Variants in ARMCX4 observed in about 807,000 individuals in gnomAD.
ARMCX4 encodes the protein armadillo repeat containing X-linked 4, also known as armadillo repeat-containing X-linked protein 4.
Under a neutral mutation model 34.7 loss-of-function variants are expected in ARMCX4, and 3 were observed. The observed-to-expected ratio is 0.09, with a 90% CI of 0.04 to 0.22. The LOEUF (loss-of-function observed/expected upper bound fraction) is 0.22. ARMCX4 is among the 10% of genes least tolerant of loss of function. The pLI is 1.00. For synonymous variants in ARMCX4, 513 were observed against 632.8 expected, an observed-to-expected ratio of 0.81 and a Z score of 2.84; for missense variants, 1,448 against 1,720.8, an observed-to-expected ratio of 0.84 and a Z score of 2.81.
At chrX:101,433,947 CTT>C (rs782236846) in intron 2 of ARMCX4, among the ~76,000 whole-genome samples, 1 of 101,429 alleles carries the variant, frequency 9.9e-6, no homozygotes. Flanking sequence ...TGGTTATCCA[CTT>C]TTTTTTTTTT....
intron 3 of ARMCX4, among the ~76,000 whole-genome samples, chrX:101,444,895 TA>T (rs1296697553): frequency 2.2e-4 from 25 of 111,478 alleles, no homozygotes; most frequent in Non-Finnish European, 4.0e-4. Flanking sequence ...ATACAATAAT[TA>T]TTATTGACTA....
chrX:101,502,606 CAGGT>C, intron 7 of ARMCX4, among the ~76,000 whole-genome samples: 1 of 111,028 alleles, frequency 9.0e-6, no homozygotes, highest in East Asian at 2.8e-4. Flanking sequence ...GTTGCACAAT[CAGGT>C]AGAGCAGATC....
intron 11 of ARMCX4, among the ~76,000 whole-genome samples, chrX:101,514,565 G>A (rs1380851358): frequency 1.8e-5 from 2 of 112,238 alleles, no homozygotes; most frequent in Non-Finnish European, 3.8e-5. Context: ...CTTACGAGAA[G>A]CAACGCTGTG....
chrX:101,489,115 G>A lies in ARMCX4; in HGVS notation c.526G>A (p.Ala176Thr). ...CAAGGCTAAAGCTTGGGCGCTGGTTGCCAAGACAGAGGCCAAGAGAGAAGC... is the reference window on the plus strand; with the variant it reads ...CAAGGCTAAAGCTTGGGCGCTGGTTACCAAGACAGAGGCCAAGAGAGAAGC... ...QTKAKAWALV[A>T]KTEAKREAMT... is the part of the protein sequence containing the mutation. The change falls in exon 6 of 6, where the codon GCC (alanine) becomes ACC (threonine). Residue 176 changes from alanine to threonine, a missense_variant. This residue lies in a region of ARMCX4 where 1,343 missense variants were observed against 1,540.7 expected (regional missense o/e 0.87). Transcript: ENST00000423738. 1 of 1,156,262 alleles carries A rather than the reference G, an allele frequency of 8.6e-7. No individual in the cohort carries two copies. The highest frequency in any genetic ancestry group is 1.8e-5 in the African/African-American group (1 of 56,474).
chrX:101,448,893 C>T (rs1484894564), downstream of ARMCX4, among the ~76,000 whole-genome samples: 3 of 95,985 alleles, frequency 3.1e-5, no homozygotes, highest in Non-Finnish European at 4.1e-5. Context: ...CGCGCCTGGC[C>T]GTTTTTTTCT....
intron 4 of ARMCX4, among the ~76,000 whole-genome samples, chrX:101,478,239 CAG>C (rs1556004775): frequency 1.8e-5 from 2 of 111,713 alleles, no homozygotes; most frequent in African/African-American, 6.5e-5. Flanking sequence ...TTGAGAAAAT[CAG>C]AGAAAATCAA....
Position 101,489,525 on chromosome X carries a change from T to TG in ARMCX4, c.940dup (p.Ala314GlyfsTer18). 8.7e-7 allele frequency: 1 copy of TG among 1,155,702 alleles called. No individual in the cohort carries two copies. The highest frequency in any genetic ancestry group is 1.1e-6 in the Non-Finnish European group (1 of 872,952). ...GTAAAACCATGTCTAGGGCAGAGTC[T>TG]GGGGCAGACACGAGGGCTTCTGCTC... On this transcript the variant is annotated frameshift_variant, in exon 6 of 6. Coordinates refer to ENST00000423738, the MANE Select transcript of ARMCX4 (RefSeq NM_001256155.3). LOFTEE classifies it low-confidence loss of function (END_TRUNC).
intron 1 of ARMCX4, chrX:101,418,777 CTT>C (rs782291935): frequency 1.5e-4 from 14 of 92,251 alleles, no homozygotes; most frequent in Non-Finnish European, 1.7e-4. Flanking sequence ...TGCGAGGAGC[CTT>C]TTTTTTTTTT....
intron 7 of ARMCX4, among the ~76,000 whole-genome samples, chrX:101,501,713 CA>C (rs1556013672): frequency 8.9e-6 from 1 of 112,418 alleles, no homozygotes; most frequent in Non-Finnish European, 1.9e-5. Flanking sequence ...TTCCTAGAAC[CA>C]TATAAGGCAA....
chrX:101,463,492 CATG>C (rs1932710159), intron 4 of ARMCX4, among the ~76,000 whole-genome samples: 1 of 111,756 alleles, frequency 8.9e-6, no homozygotes, highest in Admixed American at 9.5e-5. Context: ...CCTGCCCACA[CATG>C]ATAACATTAA....
intron 4 of ARMCX4, among the ~76,000 whole-genome samples, chrX:101,456,713 T>C (rs1932305292): frequency 9.0e-6 from 1 of 111,454 alleles, no homozygotes; most frequent in South Asian, 3.7e-4. Context: ...TCAGTGTTAT[T>C]ATTATTCATC....
At position 101,523,755 on chromosome X, in the gene ARMCX4, G is replaced by A. The variant is rs782479022; in HGVS notation, c.*1781-7889G>A. Among the ~76,000 whole-genome samples the A allele has an allele frequency of 1.7e-4, 19 of 111,615 alleles. 1 individual carries two copies. The highest frequency in any genetic ancestry group is 6.2e-4 in the African/African-American group (19 of 30,745). Reference sequence around the variant, plus strand: ...TCAACAAAAAATTACAACACATGCAGCAACAACTACATAGGTAAATACAAG... The same window carrying A: ...TCAACAAAAAATTACAACACATGCAACAACAACTACATAGGTAAATACAAG... On this transcript the variant is annotated intron_variant and NMD_transcript_variant, in intron 11 of 12. Transcript: ENST00000354842.
At chrX:101,441,413 C>T (rs1199297799) in intron 2 of ARMCX4, among the ~76,000 whole-genome samples, 3 of 110,731 alleles carry the variant, frequency 2.7e-5, no homozygotes, top group Admixed American at 9.7e-5. Context: ...AGCCAACTTA[C>T]CATCTCCTTC....
At chrX:101,487,771 C>T in intron 4 of ARMCX4, 80 bp downstream of exon 4, 1 of 448,551 alleles carries the variant, frequency 2.2e-6, no homozygotes, top group Non-Finnish European at 3.4e-6. Flanking sequence ...GGACCAGTGA[C>T]CAGTCTGGAG....
chrX:101,427,624 G>A (rs141490882), intron 2 of ARMCX4, among the ~76,000 whole-genome samples: 1,829 of 111,137 alleles, frequency 0.016, 43 homozygotes, highest in African/African-American at 0.057. Flanking sequence ...CAGGTGATCC[G>A]CCTGCCTTGG....
downstream of ARMCX4, among the ~76,000 whole-genome samples, chrX:101,451,308 A>G (rs1432658426): frequency 8.9e-6 from 1 of 111,744 alleles, no homozygotes; most frequent in Non-Finnish European, 1.9e-5. Context: ...GCAGGCATCA[A>G]CTGAGTTCAG....
chrX:101,428,932 T>C (rs1002227189), intron 2 of ARMCX4, among the ~76,000 whole-genome samples: 4 of 102,775 alleles, frequency 3.9e-5, no homozygotes, highest in African/African-American at 1.4e-4. Context: ...AGTGCAGTGG[T>C]GTGATCACAG....
rs1556009669 is a variant in ARMCX4 at position 101,492,363 on chromosome X, G to A, written c.3774G>A (p.Gly1258=). 3 of 1,153,971 alleles carry A rather than the reference G, an allele frequency of 2.6e-6. No individual in the cohort carries two copies. The Admixed American group carries it at 7.8e-5, about 30-fold the overall frequency. The part of the protein sequence containing the change: ...GGQASGVSWV[G]EEAIGGSWTG... The stretch of plus-strand genomic sequence containing the variant: ...AGGCCAGTGGGGTGTCCTGGGTTGG[G>A]GAAGAGGCCATTGGAGGGTCCTGGA... Residue 1258 remains glycine, a synonymous_variant, in exon 6 of 6, where the codon GGG becomes GGA. Transcript: ENST00000423738.
At chrX:101,438,068 T>G (rs937964840) in intron 2 of ARMCX4, among the ~76,000 whole-genome samples, 1 of 111,088 alleles carries the variant, frequency 9.0e-6, no homozygotes, top group Admixed American at 9.6e-5. Flanking sequence ...TCCTGAGGAG[T>G]GCTTTACTTC....
Sources: gnomAD v4.1 joint callset for allele counts (sites outside exome capture counted in the v4.1 genomes callset) on GRCh38, gnomAD v4.1.1 for gene constraint, gnomAD v4.1.1 regional missense constraint, MANE v1.5 for transcripts, NCBI Gene and HGNC (gene_info 2026-07-23, HGNC 2026-07-21) for gene names.